The following ARHGAP42 variants were observed in gnomAD, a reference collection of about 807,000 sequenced individuals.
ARHGAP42 encodes the protein rho GTPase-activating protein 42.
A neutral mutation model predicts 125.0 loss-of-function variants in ARHGAP42; 63 were observed. The ratio of observed to expected loss-of-function variants is 0.50; its 90% CI spans 0.41 to 0.62. The LOEUF (loss-of-function observed/expected upper bound fraction) is 0.62. ARHGAP42 is among the 20% of genes least tolerant of loss of function. The pLI is 0.00. For synonymous variants in ARHGAP42, 339 were observed against 351.0 expected, an observed-to-expected ratio of 0.97 and a Z score of 0.38; for missense variants, 766 against 1,024.2, an observed-to-expected ratio of 0.75 and a Z score of 3.44.
At chr11:100,882,481 T>C (rs914802442) in intron 4 of ARHGAP42, among the ~76,000 whole-genome samples, 1 of 152,128 alleles carries the variant, frequency 6.6e-6, no homozygotes, top group African/African-American at 2.4e-5. Context: ...GATATGTTGT[T>C]GGATTCGGTT....
intron 1 of ARHGAP42, among the ~76,000 whole-genome samples, chr11:100,736,755 C>CT (rs909573353): frequency 2.6e-5 from 4 of 151,990 alleles, no homozygotes; most frequent in Admixed American, 6.6e-5. Flanking sequence ...AGCAGTTTGT[C>CT]TTTTTTTTAA....
chr11:100,931,069 T>C (rs1010480805), intron 6 of ARHGAP42, among the ~76,000 whole-genome samples: 1 of 152,214 alleles, frequency 6.6e-6, no homozygotes. Context: ...CTCATACACA[T>C]AGCTTGAAGA....
intron 17 of ARHGAP42, among the ~76,000 whole-genome samples, chr11:100,967,378 T>G (rs1000986769): frequency 1.3e-5 from 2 of 152,254 alleles, no homozygotes; most frequent in Admixed American, 6.5e-5. Flanking sequence ...GGTGGACTTA[T>G]GTATTCATTA....
chr11:100,780,579 G>A (rs919091282), intron 2 of ARHGAP42, among the ~76,000 whole-genome samples: 16 of 152,202 alleles, frequency 1.1e-4, no homozygotes, highest in African/African-American at 3.9e-4. Context: ...CTAATAATAC[G>A]ATAGGTTTTT....
At chr11:100,904,499 G>A (rs1054239731) in intron 4 of ARHGAP42, among the ~76,000 whole-genome samples, 22 of 151,964 alleles carry the variant, frequency 1.4e-4, no homozygotes, top group Admixed American at 5.2e-4. Context: ...CACCCGCCTC[G>A]GCCTCCCAAA....
intron 1 of ARHGAP42, among the ~76,000 whole-genome samples, chr11:100,718,493 A>G (rs1336236256): frequency 2.0e-5 from 3 of 152,232 alleles, no homozygotes; most frequent in Non-Finnish European, 4.4e-5. Flanking sequence ...ATTTACTCAG[A>G]TAAACAAATT....
chr11:100,824,508 G>C (rs649032), intron 3 of ARHGAP42, among the ~76,000 whole-genome samples: 1 of 152,122 alleles, frequency 6.6e-6, no homozygotes, highest in African/African-American at 2.4e-5. Context: ...TTCTACACTG[G>C]AGTCCCGAAT....
At chr11:100,952,573 C>T (rs1353950743) in intron 12 of ARHGAP42, among the ~76,000 whole-genome samples, 4 of 151,936 alleles carry the variant, frequency 2.6e-5, no homozygotes, top group Non-Finnish European at 5.9e-5. Context: ...TTTGCTCACC[C>T]AAACAGAATC....
intron 6 of ARHGAP42, among the ~76,000 whole-genome samples, chr11:100,931,092 A>G (rs1867568407): frequency 6.6e-6 from 1 of 152,166 alleles, no homozygotes; most frequent in African/African-American, 2.4e-5. Flanking sequence ...ATTTTATTTT[A>G]TACAATATTC....
chr11:100,952,916 G>A (rs1379248571), intron 12 of ARHGAP42, among the ~76,000 whole-genome samples: 2 of 152,052 alleles, frequency 1.3e-5, no homozygotes, highest in African/African-American at 2.4e-5. Flanking sequence ...TGTGTTTTTA[G>A]TAGAGATGGG....
chr11:100,865,243 G>A (rs1865541420), intron 4 of ARHGAP42, among the ~76,000 whole-genome samples: 1 of 152,078 alleles, frequency 6.6e-6, no homozygotes, highest in Non-Finnish European at 1.5e-5. Flanking sequence ...TATACATGCA[G>A]TTAATTAAGC....
intron 4 of ARHGAP42, among the ~76,000 whole-genome samples, chr11:100,895,326 A>G (rs1338457353): frequency 1.3e-5 from 2 of 152,066 alleles, no homozygotes; most frequent in African/African-American, 4.8e-5. Context: ...CACTATTAAC[A>G]TTTTGGACTG....
chr11:100,839,370 T>C (rs1405038544), intron 3 of ARHGAP42: 2 of 152,228 alleles, frequency 1.3e-5, no homozygotes, highest in East Asian at 3.8e-4. Context: ...TGTGAATGGC[T>C]ATCACCATGG....
Position 100,989,241 on chromosome 11 carries a change from G to GTT in ARHGAP42, c.*449_*450dup. The GTT allele has an allele frequency of 1.1e-5, 4 of 362,008 alleles. No individual in the cohort carries two copies. The highest frequency in any genetic ancestry group is 4.7e-5 in the Admixed American group (1 of 21,346). The allele number at this position is 362,008 out of a possible 1,614,324, so 22.4% of individuals were successfully genotyped here. A position where few individuals can be genotyped will look rare whatever the true frequency, so the allele number is the denominator to read the frequency against. ...ATGTAATTTAAATTGTTCATTTATT[G>GTT]TTTTTTTTTTCTTAGAAATATACTG... On this transcript the variant is annotated 3_prime_UTR_variant, in exon 24 of 24. Transcript: ENST00000298815.
intron 4 of ARHGAP42, among the ~76,000 whole-genome samples, chr11:100,887,018 C>T (rs547468824): frequency 2.0e-4 from 31 of 152,078 alleles, no homozygotes; most frequent in African/African-American, 7.2e-4. Context: ...TACTGACATG[C>T]AATAATCTCA....
intron 12 of ARHGAP42, among the ~76,000 whole-genome samples, chr11:100,955,665 C>T (rs1857784497): frequency 6.6e-6 from 1 of 152,080 alleles, no homozygotes; most frequent in Non-Finnish European, 1.5e-5. Flanking sequence ...TCCTCCTCTC[C>T]TTGCTGTTGC....
chr11:100,742,970 G>A (rs1862220730), intron 1 of ARHGAP42, among the ~76,000 whole-genome samples: 1 of 152,092 alleles, frequency 6.6e-6, no homozygotes, highest in African/African-American at 2.4e-5. Context: ...TTACATGTTA[G>A]GTGAGTCTCT....
intron 7 of ARHGAP42, 80 bp from the exon 8 acceptor site, chr11:100,936,123 G>A (rs1591306876): frequency 4.0e-6 from 6 of 1,507,464 alleles, no homozygotes; most frequent in South Asian, 1.2e-5. Context: ...ATAAATAAAA[G>A]CAAAACAAAA....
Position 100,798,409 on chromosome 11 carries a change from A to G in ARHGAP42, c.312+3243A>G, listed in dbSNP as rs981748709. Among the ~76,000 whole-genome samples the G allele has an allele frequency of 5.3e-5, 8 of 152,332 alleles. No individual in the cohort carries two copies. In the East Asian group the frequency reaches 1.5e-3, roughly 29 times the overall value. ...ACCACAGCCACTCCGGCCTTCAGCAACCACCACCCTGATCAGTTAACAGTC... is the reference window on the plus strand; with the variant it reads ...ACCACAGCCACTCCGGCCTTCAGCAGCCACCACCCTGATCAGTTAACAGTC... On this transcript the variant is annotated intron_variant, in intron 3 of 23. Coordinates refer to ENST00000298815, the MANE Select transcript of ARHGAP42 (RefSeq NM_152432.4).
Sources: gnomAD v4.1 joint callset for allele counts (sites outside exome capture counted in the v4.1 genomes callset) on GRCh38, gnomAD v4.1.1 for gene constraint, MANE v1.5 for transcripts, NCBI Gene and HGNC (gene_info 2026-07-23, HGNC 2026-07-21) for gene names.